PKHD1: variants seen among roughly 807,000 people sequenced by gnomAD.
The protein encoded by PKHD1 is PKHD1 ciliary IPT domain containing fibrocystin/polyductin, also known as fibrocystin.
In PKHD1, 291 loss-of-function variants were observed where a neutral mutation model predicts 412.0. The ratio of observed to expected loss-of-function variants is 0.71; its 90% CI spans 0.64 to 0.78. The LOEUF is 0.78. PKHD1 is among the 30% of genes least tolerant of loss of function. The pLI is 0.00. For missense variants in PKHD1, 4,825 were observed against 4,950.7 expected (o/e 0.97, Z 0.76); for synonymous variants, 1,777 against 1,821.5 (o/e 0.98, Z 0.62).
chr6:51,794,659 C>T (rs1794313152), intron 52 of PKHD1, among the ~76,000 whole-genome samples: 1 of 152,118 alleles, frequency 6.6e-6, no homozygotes, highest in South Asian at 2.1e-4. Context: ...GTGAGCTTTA[C>T]ATTTAAGTCT....
At chr6:51,785,836 T>A (rs1351341807) in intron 53 of PKHD1, among the ~76,000 whole-genome samples, 1 of 152,144 alleles carries the variant, frequency 6.6e-6, no homozygotes, top group Non-Finnish European at 1.5e-5. Context: ...GAGCTGATGA[T>A]CCTCAAATAT....
intron 48 of PKHD1, among the ~76,000 whole-genome samples, chr6:51,861,656 C>T (rs1774207394): frequency 6.6e-6 from 1 of 152,228 alleles, no homozygotes; most frequent in African/African-American, 2.4e-5. Flanking sequence ...ATCCTTGTCA[C>T]AGCACCACTA....
intron 48 of PKHD1, among the ~76,000 whole-genome samples, chr6:51,860,870 G>T (rs1696513718): frequency 6.6e-6 from 1 of 152,018 alleles, no homozygotes; most frequent in African/African-American, 2.4e-5. Flanking sequence ...GGAGCACAGT[G>T]GCATGATCTC....
chr6:51,929,563 A>G (rs942479962), intron 37 of PKHD1, among the ~76,000 whole-genome samples: 1 of 152,172 alleles, frequency 6.6e-6, no homozygotes, highest in Non-Finnish European at 1.5e-5. Context: ...ACACACTCCC[A>G]CACATGTGCC....
At chr6:51,685,814 A>G (rs1777350810) in intron 60 of PKHD1, among the ~76,000 whole-genome samples, 2 of 152,262 alleles carry the variant, frequency 1.3e-5, no homozygotes, top group South Asian at 2.1e-4. Flanking sequence ...ACTTGGTAGA[A>G]AAAATGGTTT....
chr6:51,790,960 A>AC (rs997586561), intron 53 of PKHD1, among the ~76,000 whole-genome samples: 3 of 152,212 alleles, frequency 2.0e-5, no homozygotes. Flanking sequence ...ATTGATCTGT[A>AC]GCCTGGAGGA....
chr6:51,867,333 A>G (rs1175547675), intron 48 of PKHD1, among the ~76,000 whole-genome samples: 1 of 152,102 alleles, frequency 6.6e-6, no homozygotes, highest in Non-Finnish European at 1.5e-5. Context: ...ATAACCAAGG[A>G]GTCCTTGCTC....
At chr6:52,038,058 C>T (rs1054810100) in intron 27 of PKHD1, among the ~76,000 whole-genome samples, 8 of 152,190 alleles carry the variant, frequency 5.3e-5, no homozygotes, top group East Asian at 3.9e-4. Context: ...AAGATAAGCC[C>T]TAATCCAATA....
intron 25 of PKHD1, among the ~76,000 whole-genome samples, chr6:52,044,518 C>A (rs1805467387): frequency 1.3e-5 from 2 of 151,896 alleles, no homozygotes; most frequent in South Asian, 2.1e-4. Flanking sequence ...TTTGGGTCCC[C>A]AGGTGTTGAT....
At chr6:51,977,757 G>T (rs1794645251) in intron 35 of PKHD1, among the ~76,000 whole-genome samples, 1 of 152,198 alleles carries the variant, frequency 6.6e-6, no homozygotes, top group Non-Finnish European at 1.5e-5. Flanking sequence ...ACTAGTATTT[G>T]ATTCCCACCT....
At chr6:51,783,231 C>A (rs563263824) in intron 53 of PKHD1, among the ~76,000 whole-genome samples, 1 of 152,040 alleles carries the variant, frequency 6.6e-6, no homozygotes, top group Non-Finnish European at 1.5e-5. Flanking sequence ...ACTGCTGTGT[C>A]CCCAGGGATA....
intron 55 of PKHD1, among the ~76,000 whole-genome samples, chr6:51,768,329 T>G (rs539197742): frequency 1.1e-4 from 16 of 152,192 alleles, no homozygotes; most frequent in Admixed American, 7.2e-4. Flanking sequence ...TTGTATTAGA[T>G]TTGACATCTT....
chr6:51,808,265 A>G (rs1323157895), intron 52 of PKHD1, among the ~76,000 whole-genome samples: 4 of 152,110 alleles, frequency 2.6e-5, no homozygotes, highest in African/African-American at 7.2e-5. Flanking sequence ...ATTTTTGCAT[A>G]TGCAGCACAG....
chr6:52,031,137 C>A (rs183129944), intron 29 of PKHD1, among the ~76,000 whole-genome samples: 6 of 152,316 alleles, frequency 3.9e-5, no homozygotes, highest in Non-Finnish European at 7.4e-5. Flanking sequence ...TGCTTTATTT[C>A]CTATTTTCAT....
chr6:52,046,810 A>G (rs1213540186), intron 23 of PKHD1, among the ~76,000 whole-genome samples: 1 of 152,330 alleles, frequency 6.6e-6, no homozygotes, highest in Admixed American at 6.5e-5. Context: ...AGCTGCTCCC[A>G]GCAGCCCTGT....
In PKHD1 at chr6:51,667,809, T is replaced by C. The variant is rs1237273909; in HGVS notation, c.10157-7840A>G. ...ACCATTTATTAAATAGGGAATCCTT[T>C]CCCCATTGCTTGTTTTTCTCAGGTT... On this transcript the variant is annotated intron_variant, in intron 60 of 66. Transcript: ENST00000371117. 4.0e-5 allele frequency among the ~76,000 whole-genome samples: 6 copies of C among 151,124 alleles called. No individual in the cohort carries two copies. The East Asian group carries it at 1.2e-3, about 30-fold the overall frequency.
rs1292244666 is a variant in PKHD1, at chr6:51,748,065, T to C, written c.9551A>G (p.Tyr3184Cys). 1.2e-6 allele frequency: 2 copies of C among 1,614,076 alleles called. No individual in the cohort carries two copies. The highest frequency in any genetic ancestry group is 1.7e-5 in the Admixed American group (1 of 59,992). ...DNTIGLLAVV[Y>C]VFSAPQNSVK... Reference sequence around the variant, plus strand: ...GGAATTTTGTGGAGCAGAAAATACATACACTACTGCCAAAAGACCAATAGT... The same window carrying C: ...GGAATTTTGTGGAGCAGAAAATACACACACTACTGCCAAAAGACCAATAGT... Residue 3184 changes from tyrosine (Y) to cysteine (C), a missense_variant, in exon 58 of 67, where the codon TAT (tyrosine) becomes TGT (cysteine). Tyr to Cys is a radical substitution (Grantham distance 194, BLOSUM62 -2). Coordinates refer to ENST00000371117, the MANE Select transcript of PKHD1 (RefSeq NM_138694.4).
intron 55 of PKHD1, among the ~76,000 whole-genome samples, chr6:51,759,294 C>T (rs1345001322): frequency 2.0e-5 from 3 of 152,100 alleles, no homozygotes; most frequent in East Asian, 1.9e-4. Flanking sequence ...TCCCTCACAC[C>T]TCATCTGAGA....
intron 65 of PKHD1, among the ~76,000 whole-genome samples, chr6:51,628,934 C>T (rs946912152): frequency 2.6e-5 from 4 of 152,118 alleles, no homozygotes; most frequent in African/African-American, 9.7e-5. Flanking sequence ...ATCTCATCTT[C>T]AACAAAGCCA....
Sources: gnomAD v4.1 joint callset for allele counts (sites outside exome capture counted in the v4.1 genomes callset) on GRCh38, gnomAD v4.1.1 for gene constraint, MANE v1.5 for transcripts, NCBI Gene and HGNC (gene_info 2026-07-23, HGNC 2026-07-21) for gene names.